The following NELL2 variants were observed in gnomAD, a reference collection of about 807,000 sequenced individuals.
NELL2 encodes the protein neural EGFL like 2, also known as protein kinase C-binding protein NELL2.
Under a neutral mutation model 109.6 loss-of-function variants are expected in NELL2, and 41 were observed. The observed-to-expected ratio is 0.37, with a 90% CI of 0.29 to 0.49. The LOEUF (loss-of-function observed/expected upper bound fraction) is 0.49, where lower values mean the gene tolerates loss of function less well. Ranked by LOEUF, NELL2 falls within the 20% of genes least tolerant of loss-of-function variation. The pLI is 0.98. For synonymous variants in NELL2, 355 were observed against 344.7 expected, an observed-to-expected ratio of 1.03 and a Z score of -0.33; for missense variants, 900 against 1,008.3, an observed-to-expected ratio of 0.89 and a Z score of 1.45.
intron 12 of NELL2, among the ~76,000 whole-genome samples, chr12:44,689,712 T>G (rs1304382736): frequency 1.3e-5 from 2 of 152,202 alleles, no homozygotes; most frequent in Non-Finnish European, 2.9e-5. Context: ...CAGAGTAAAT[T>G]TGGCAATGTC....
intron 15 of NELL2, among the ~76,000 whole-genome samples, chr12:44,554,177 T>C (rs139121719): frequency 4.2e-4 from 64 of 152,212 alleles, no homozygotes; most frequent in African/African-American, 1.3e-3. Context: ...TTTAGAAAAA[T>C]TGCACATTTG....
intron 15 of NELL2, among the ~76,000 whole-genome samples, chr12:44,574,894 CCT>C (rs1191747140): frequency 6.6e-6 from 1 of 152,086 alleles, no homozygotes. Flanking sequence ...CTTGACATTC[CCT>C]GTTTCTCTGC....
intron 2 of NELL2, among the ~76,000 whole-genome samples, chr12:44,843,289 T>C (rs1185751624): frequency 6.6e-6 from 1 of 151,528 alleles, no homozygotes; most frequent in African/African-American, 2.4e-5. Flanking sequence ...GAATGGCAAA[T>C]AAATACATGA....
chr12:44,876,118 C>CG lies in NELL2; in HGVS notation c.-250dup. ...GCAGGGCCGAGGCGGCAGCGCGGCC[C>CG]GGAGGGGGCCCGGAGGGAGGGGTCG... On this transcript the variant is annotated 5_prime_UTR_variant, in exon 1 of 20. Coordinates refer to ENST00000429094, the MANE Select transcript of NELL2 (RefSeq NM_001145108.2). The CG allele has an allele frequency of 7.6e-7, 1 of 1,314,072 alleles. No individual in the cohort carries two copies. The highest frequency in any genetic ancestry group is 2.0e-5 in the South Asian group (1 of 49,178). 81.4% of individuals were successfully genotyped at this position (1,314,072 alleles called of 1,614,324 possible). A position where few individuals can be genotyped will look rare whatever the true frequency, so the allele number is the denominator to read the frequency against.
chr12:44,669,665 AG>A (rs1170706965), intron 12 of NELL2, among the ~76,000 whole-genome samples: 6 of 152,118 alleles, frequency 3.9e-5, no homozygotes, highest in Non-Finnish European at 7.4e-5. Context: ...CTGAACTTAA[AG>A]ACAGGGCTTT....
chr12:44,604,890 G>C (rs1299504567), intron 15 of NELL2, among the ~76,000 whole-genome samples: 1 of 152,122 alleles, frequency 6.6e-6, no homozygotes, highest in Non-Finnish European at 1.5e-5. Flanking sequence ...GCACTGACCA[G>C]AATAGAAAAA....
intron 1 of NELL2, among the ~76,000 whole-genome samples, chr12:44,899,000 G>A (rs1181812384): frequency 6.6e-6 from 1 of 151,764 alleles, no homozygotes. Flanking sequence ...GTGGAGGAAA[G>A]GATATCAGAG....
At chr12:44,578,073 T>G (rs996624674) in intron 15 of NELL2, among the ~76,000 whole-genome samples, 1 of 152,190 alleles carries the variant, frequency 6.6e-6, no homozygotes, top group Non-Finnish European at 1.5e-5. Context: ...CCAAACGTTA[T>G]CCCTTAAATG....
chr12:44,753,021 C>T (rs1180962338), intron 9 of NELL2, among the ~76,000 whole-genome samples: 1 of 152,144 alleles, frequency 6.6e-6, no homozygotes, highest in Non-Finnish European at 1.5e-5. Context: ...CGCTGCAACC[C>T]TGCTGGCCTG....
chr12:44,753,568 A>C (rs1007218860), intron 9 of NELL2, among the ~76,000 whole-genome samples: 4 of 152,202 alleles, frequency 2.6e-5, no homozygotes, highest in African/African-American at 9.6e-5. Flanking sequence ...ATGCCATATA[A>C]ATAATGGCCT....
chr12:44,871,525 A>G (rs1945160826), intron 2 of NELL2, among the ~76,000 whole-genome samples: 1 of 152,210 alleles, frequency 6.6e-6, no homozygotes, highest in African/African-American at 2.4e-5. Context: ...ACAGTAAAAC[A>G]ACTAATGAAA....
chr12:44,883,839 G>A (rs1443637711), intron 1 of NELL2, among the ~76,000 whole-genome samples: 1 of 151,792 alleles, frequency 6.6e-6, no homozygotes, highest in African/African-American at 2.4e-5. Context: ...ATATAGTTAA[G>A]AGATACAACA....
chr12:44,763,500 A>G (rs1030039386), intron 9 of NELL2, among the ~76,000 whole-genome samples: 1 of 152,152 alleles, frequency 6.6e-6, no homozygotes, highest in Non-Finnish European at 1.5e-5. Flanking sequence ...CAAACAAACA[A>G]ACAAACAAAA....
At chr12:44,713,510 T>C (rs1268204649) in intron 10 of NELL2, among the ~76,000 whole-genome samples, 1 of 151,912 alleles carries the variant, frequency 6.6e-6, no homozygotes, top group Non-Finnish European at 1.5e-5. Context: ...AAATCCATCA[T>C]CTTGAAATAC....
rs536574178 is a variant in NELL2, at chr12:44,897,968, C to T, written c.38+15831G>A. ...GCCATTACTGAGGCTTCAGTAGGTG[C>T]TTTTCCCCTCACAGTATAAACAAGC... is the stretch of plus-strand genomic sequence containing the variant. On this transcript the variant is annotated intron_variant, in intron 1 of 20. Transcript: ENST00000333837. 7.2e-5 allele frequency among the ~76,000 whole-genome samples: 11 copies of T among 152,306 alleles called. No individual in the cohort carries two copies. The South Asian group carries it at 1.7e-3, about 23-fold the overall frequency.
intron 2 of NELL2, among the ~76,000 whole-genome samples, chr12:44,832,396 C>T (rs1279993096): frequency 6.6e-6 from 1 of 152,186 alleles, no homozygotes; most frequent in Non-Finnish European, 1.5e-5. Flanking sequence ...GTTTTCATCA[C>T]TGGTGTTGAT....
At position 44,852,509 on chromosome 12, in the gene NELL2, C is replaced by A. The variant is rs577093300; in HGVS notation, c.184+22716G>T. Among the ~76,000 whole-genome samples, 12 of 152,256 alleles carry A rather than the reference C, an allele frequency of 7.9e-5. No individual in the cohort carries two copies. The East Asian group carries it at 2.1e-3, about 27-fold the overall frequency. ...CATTCCCTCTCTTTTCTTCATGAGA[C>A]AGCTAAGATAGTGTTCATTTAAAAC... On this transcript the variant is annotated intron_variant, in intron 2 of 19. Transcript: ENST00000429094.
intron 15 of NELL2, among the ~76,000 whole-genome samples, chr12:44,544,579 G>A (rs1004203347): frequency 3.9e-5 from 6 of 152,014 alleles, no homozygotes; most frequent in Admixed American, 3.9e-4. Context: ...TGAGTCAGGT[G>A]ACTATTTCTT....
chr12:44,677,956 A>C (rs1039998842), intron 12 of NELL2, among the ~76,000 whole-genome samples: 8 of 152,054 alleles, frequency 5.3e-5, no homozygotes, highest in African/African-American at 1.7e-4. Context: ...GTGGGTCTAG[A>C]GCTTACTCAG....
Sources: gnomAD v4.1 joint callset for allele counts (sites outside exome capture counted in the v4.1 genomes callset) on GRCh38, gnomAD v4.1.1 for gene constraint, MANE v1.5 for transcripts, NCBI Gene and HGNC (gene_info 2026-07-23, HGNC 2026-07-21) for gene names.